KHDRBS3: variants seen among roughly 807,000 people sequenced by gnomAD.
KHDRBS3 encodes KH domain-containing, RNA-binding, signal transduction-associated protein 3.
In KHDRBS3, 23 loss-of-function variants were observed where a neutral mutation model predicts 45.6. That is an observed-to-expected ratio of 0.50 (90% confidence interval 0.36 to 0.72). The LOEUF (loss-of-function observed/expected upper bound fraction) is 0.72. KHDRBS3 is among the 30% of genes least tolerant of loss of function. The pLI is 0.00. For synonymous variants in KHDRBS3, 162 were observed against 156.5 expected (o/e 1.04, Z -0.26); for missense variants, 352 against 424.8 (o/e 0.83, Z 1.51).
In KHDRBS3 at chr8:135,469,536, T is replaced by C. The variant is rs1242826552; in HGVS notation, c.88+11582T>C. On this transcript the variant is annotated intron_variant, in intron 1 of 8. Coordinates refer to ENST00000355849, the MANE Select transcript of KHDRBS3 (RefSeq NM_006558.3). ...TTTTTTGTTTTGGTTTTTTTTTTTTTTTTTTTTTTTTGAGACGAGTCTCGC... is the reference window on the plus strand; with the variant it reads ...TTTTTTGTTTTGGTTTTTTTTTTTTCTTTTTTTTTTTGAGACGAGTCTCGC... Among the ~76,000 whole-genome samples, 3 of 85,786 alleles carry C rather than the reference T, an allele frequency of 3.5e-5. No homozygotes were observed. The Admixed American group carries it at 3.7e-4, about 11-fold the overall frequency. The allele number at this position is 85,786 out of a possible 152,430, so 56.3% of individuals were successfully genotyped here.
chr8:135,628,297 G>C (rs1009180226), intron 7 of KHDRBS3, among the ~76,000 whole-genome samples: 1 of 152,058 alleles, frequency 6.6e-6, no homozygotes, highest in Admixed American at 6.5e-5. Flanking sequence ...GTTGGCTGCT[G>C]CATTCCAAGG....
At chr8:135,625,748 T>C (rs1830329615) in intron 7 of KHDRBS3, 2 of 761,450 alleles carry the variant, frequency 2.6e-6, no homozygotes, top group Non-Finnish European at 4.9e-6. Flanking sequence ...AACCTACTGG[T>C]AGTATTTTGA....
chr8:135,520,389 T>G (rs913547930), intron 1 of KHDRBS3, among the ~76,000 whole-genome samples: 1 of 152,094 alleles, frequency 6.6e-6, no homozygotes, highest in Non-Finnish European at 1.5e-5. Context: ...GGCCATAGGG[T>G]GGATGAAATT....
chr8:135,591,380 T>C (rs1157494990), intron 6 of KHDRBS3, among the ~76,000 whole-genome samples: 1 of 152,252 alleles, frequency 6.6e-6, no homozygotes, highest in Non-Finnish European at 1.5e-5. Context: ...TATTTCCTCA[T>C]AGGACAGCTA....
intron 2 of KHDRBS3, chr8:135,541,317 C>G (rs1337663105): frequency 1.3e-5 from 2 of 152,164 alleles, no homozygotes; most frequent in African/African-American, 4.8e-5. Context: ...CAGTCCCATT[C>G]TTGCTCCCCA....
chr8:135,494,526 C>T (rs942196263), intron 1 of KHDRBS3, among the ~76,000 whole-genome samples: 1 of 152,118 alleles, frequency 6.6e-6, no homozygotes, highest in Non-Finnish European at 1.5e-5. Context: ...GATCCACCCA[C>T]CTCGGCCTCC....
chr8:135,553,329 C>T (rs894689320), intron 4 of KHDRBS3, among the ~76,000 whole-genome samples: 35 of 152,058 alleles, frequency 2.3e-4, no homozygotes, highest in African/African-American at 7.2e-4. Context: ...TGAACCATTT[C>T]GTCAGTTTTT....
chr8:135,620,220 G>A (rs570723761), intron 7 of KHDRBS3, among the ~76,000 whole-genome samples: 7 of 152,084 alleles, frequency 4.6e-5, no homozygotes, highest in South Asian at 2.1e-4. Context: ...CCACAGGCAC[G>A]AGACGGTGCC....
At chr8:135,645,005 T>C in intron 7 of KHDRBS3, 54 bp from the exon 8 acceptor site, 1 of 1,578,318 alleles carries the variant, frequency 6.3e-7, no homozygotes, top group Non-Finnish European at 8.7e-7. Context: ...TTGAATACTG[T>C]TGAAACTCAC....
At chr8:135,612,825 G>C (rs750810934) in intron 7 of KHDRBS3, among the ~76,000 whole-genome samples, 2 of 151,952 alleles carry the variant, frequency 1.3e-5, no homozygotes, top group East Asian at 1.9e-4. Flanking sequence ...CCCGTGGCCA[G>C]TCCAGATTGA....
chr8:135,479,757 A>G (rs1488304547), intron 1 of KHDRBS3, among the ~76,000 whole-genome samples: 1 of 152,210 alleles, frequency 6.6e-6, no homozygotes, highest in Non-Finnish European at 1.5e-5. Context: ...GTTTCAACAT[A>G]TGAATATTGC....
chr8:135,653,816 T>G (rs976441363), intron 4 of KHDRBS3, among the ~76,000 whole-genome samples: 3 of 152,222 alleles, frequency 2.0e-5, no homozygotes, highest in Non-Finnish European at 4.4e-5. Flanking sequence ...CATCCTAAGA[T>G]GAGGAGCATT....
chr8:135,544,597 G>C (rs1826198258), intron 3 of KHDRBS3, among the ~76,000 whole-genome samples: 1 of 152,078 alleles, frequency 6.6e-6, no homozygotes, highest in Non-Finnish European at 1.5e-5. Context: ...TTGCTGATGA[G>C]CACCTTGAGT....
intron 5 of KHDRBS3, among the ~76,000 whole-genome samples, chr8:135,569,657 C>T (rs1827604434): frequency 6.6e-6 from 1 of 152,106 alleles, no homozygotes; most frequent in Non-Finnish European, 1.5e-5. Flanking sequence ...TGTGAATCTA[C>T]TTAGAAGGTG....
At chr8:135,629,824 A>G (rs1447110694) in intron 7 of KHDRBS3, among the ~76,000 whole-genome samples, 3 of 152,234 alleles carry the variant, frequency 2.0e-5, no homozygotes, top group Admixed American at 2.0e-4. Flanking sequence ...TTCGCCTGAT[A>G]GGAGAGCAAA....
chr8:135,645,093 A>G lies in KHDRBS3; in HGVS notation c.925A>G (p.Ser309Gly). ...TTACTATGATTACGGACATGGACTC[A>G]GTGAGGAGACTTATGATTCCTACGG... ...ADYYDYGHGL[S>G]EETYDSYGQE... The change falls in exon 8 of 9, where the codon AGT becomes GGT. Residue 309 changes from serine (S) to glycine (G), a missense_variant. Physicochemically the swap from Ser to Gly is moderately conservative, Grantham distance 56 (BLOSUM62 0). Coordinates refer to ENST00000355849, the MANE Select transcript of KHDRBS3 (RefSeq NM_006558.3). 1.2e-6 allele frequency: 2 copies of G among 1,613,738 alleles called. No individual in the cohort carries two copies. The highest frequency in any genetic ancestry group is 2.2e-5 in the East Asian group (1 of 44,868).
rs1317305210 is a variant in KHDRBS3, at chr8:135,637,149, G to C, written c.891-7910G>C. Among the ~76,000 whole-genome samples the C allele has an allele frequency of 2.6e-5, 4 of 152,122 alleles. No homozygotes were observed. The East Asian group carries it at 7.7e-4, about 29-fold the overall frequency. On this transcript the variant is annotated intron_variant, in intron 7 of 8. Coordinates refer to ENST00000355849, the MANE Select transcript of KHDRBS3 (RefSeq NM_006558.3). ...GGAAATATTGTTAAATGTTATAAAA[G>C]AACTATTAGATAAGTAAGGCTCTTA...
intron 2 of KHDRBS3, among the ~76,000 whole-genome samples, chr8:135,530,154 A>G (rs1825400073): frequency 1.3e-5 from 2 of 152,160 alleles, no homozygotes; most frequent in Admixed American, 1.3e-4. Context: ...ATCATAGAGG[A>G]TATATCTCTA....
chr8:135,612,658 A>T (rs377476456), intron 7 of KHDRBS3, among the ~76,000 whole-genome samples: 8 of 151,876 alleles, frequency 5.3e-5, no homozygotes, highest in African/African-American at 1.9e-4. Context: ...ATAGTTCAGT[A>T]TTAGTGAAGA....
Sources: gnomAD v4.1 joint callset for allele counts (sites outside exome capture counted in the v4.1 genomes callset) on GRCh38, gnomAD v4.1.1 for gene constraint, MANE v1.5 for transcripts, NCBI Gene and HGNC (gene_info 2026-07-23, HGNC 2026-07-21) for gene names.